The following TACC2 variants were observed in gnomAD, a reference collection of about 807,000 sequenced individuals.
The protein encoded by TACC2 is transforming acidic coiled-coil containing protein 2, also known as transforming acidic coiled-coil-containing protein 2.
TACC2 carries 137 observed loss-of-function variants against 227.3 expected under a neutral mutation model. The ratio of observed to expected loss-of-function variants is 0.60; its 90% CI spans 0.52 to 0.69. The LOEUF (loss-of-function observed/expected upper bound fraction) is 0.69, where lower values mean the gene tolerates loss of function less well. Among genes scored for constraint, TACC2 ranks in the 30% least tolerant of loss-of-function variants. TACC2 has a pLI of 0.00. For synonymous variants in TACC2, 1,523 were observed against 1,487.5 expected (o/e 1.02, Z -0.55); for missense variants, 3,470 against 3,694.4 (o/e 0.94, Z 1.57).
intron 7 of TACC2, among the ~76,000 whole-genome samples, chr10:122,188,194 A>G (rs767882679): frequency 3.9e-5 from 6 of 152,208 alleles, no homozygotes; most frequent in Non-Finnish European, 7.3e-5. Flanking sequence ...GGAGGACTGA[A>G]GTGCCCTCAT....
chr10:122,142,077 C>T (rs541516981), intron 6 of TACC2, among the ~76,000 whole-genome samples: 5 of 152,240 alleles, frequency 3.3e-5, no homozygotes, highest in Non-Finnish European at 7.3e-5. Flanking sequence ...GCCAGTCACT[C>T]CATCTGTGAA....
chr10:122,074,070 G>A (rs1382931971), intron 3 of TACC2, among the ~76,000 whole-genome samples: 2 of 142,318 alleles, frequency 1.4e-5, no homozygotes, highest in African/African-American at 5.2e-5. Context: ...GTAAGTCACA[G>A]CACCCGGCAT....
At chr10:122,082,553 C>T in intron 3 of TACC2, 94 bp from the exon 4 acceptor site, 3 of 1,412,918 alleles carry the variant, frequency 2.1e-6, no homozygotes, top group Non-Finnish European at 2.9e-6. Flanking sequence ...GCACTTGATG[C>T]CCTTTTGTGG....
At chr10:122,135,262 C>T (rs767830175) in intron 6 of TACC2, among the ~76,000 whole-genome samples, 10 of 152,162 alleles carry the variant, frequency 6.6e-5, no homozygotes, top group Non-Finnish European at 1.0e-4. Context: ...TGGGGCCCCG[C>T]CTGTATCCAT....
intron 2 of TACC2, chr10:122,033,004 AC>A: frequency 2.5e-6 from 2 of 790,416 alleles, no homozygotes; most frequent in South Asian, 1.5e-5. Context: ...AACAACAAAA[AC>A]AAAAAAACCC....
intron 8 of TACC2, among the ~76,000 whole-genome samples, chr10:122,206,542 A>G (rs897656314): frequency 6.6e-6 from 1 of 152,210 alleles, no homozygotes; most frequent in African/African-American, 2.4e-5. Context: ...CGGCCTCAGG[A>G]GAGACAAACC....
intron 7 of TACC2, among the ~76,000 whole-genome samples, chr10:122,167,355 A>G (rs1219020758): frequency 2.6e-5 from 4 of 152,258 alleles, no homozygotes; most frequent in African/African-American, 9.6e-5. Context: ...GGGGGAGGGA[A>G]GAGAAGAGAC....
chr10:122,025,579 TA>T (rs200631276), intron 2 of TACC2, among the ~76,000 whole-genome samples: 146 of 120,376 alleles, frequency 1.2e-3, no homozygotes, highest in Non-Finnish European at 8.8e-4. Context: ...TTATTTATTT[TA>T]TTTTTTTTTT....
chr10:122,092,140 C>T (rs538472520), intron 5 of TACC2, among the ~76,000 whole-genome samples: 14 of 152,322 alleles, frequency 9.2e-5, no homozygotes, highest in East Asian at 5.8e-4. Context: ...TTTGGGATCT[C>T]AGTCTGTTCT....
intron 18 of TACC2, among the ~76,000 whole-genome samples, chr10:122,239,059 G>A (rs1040965226): frequency 1.1e-4 from 16 of 151,982 alleles, no homozygotes; most frequent in African/African-American, 1.9e-4. Flanking sequence ...GCTGGAGTGC[G>A]ATGGTGCGAT....
At chr10:122,047,889 G>C (rs1274996958) in intron 2 of TACC2, among the ~76,000 whole-genome samples, 1 of 152,188 alleles carries the variant, frequency 6.6e-6, no homozygotes, top group Non-Finnish European at 1.5e-5. Context: ...GCATTGTAGT[G>C]TTCATGTTGG....
intron 20 of TACC2, 27 bp from the exon 21 acceptor site, chr10:122,249,023 C>CT: frequency 1.3e-6 from 2 of 1,595,138 alleles, no homozygotes; most frequent in South Asian, 2.2e-5. Context: ...GTGGGCTTGA[C>CT]GCCTGTCCTC....
intron 5 of TACC2, among the ~76,000 whole-genome samples, chr10:122,117,106 C>T (rs945371377): frequency 6.6e-6 from 1 of 151,808 alleles, no homozygotes; most frequent in Non-Finnish European, 1.5e-5. Context: ...AGCATGCTCA[C>T]AACATTAAAT....
chr10:122,069,737 A>G (rs1375348679), intron 3 of TACC2, among the ~76,000 whole-genome samples: 1 of 152,222 alleles, frequency 6.6e-6, no homozygotes, highest in African/African-American at 2.4e-5. Flanking sequence ...GAATGCAGCA[A>G]AACACCTGGC....
chr10:122,129,060 AATTATT>A lies in TACC2; in HGVS notation c.5574-3518_5574-3513del, dbSNP rs34221080. On this transcript the variant is annotated intron_variant, in intron 5 of 22. Coordinates refer to ENST00000369005, the MANE Select transcript of TACC2 (RefSeq NM_206862.4). The stretch of plus-strand genomic sequence containing the variant: ...GATACATGAAGATCTATCTTATTTT[AATTATT>A]ATTATTATTATTATTATTATTATTA... 1.9e-3 allele frequency among the ~76,000 whole-genome samples: 239 copies of A among 128,538 alleles called. 2 individuals are homozygous for A. Among genetic ancestry groups the A allele is most frequent in the African/African-American group, 5.4e-3 (204 of 37,598 alleles). 84.3% of individuals were successfully genotyped at this position (128,538 alleles called of 152,430 possible). A position where few individuals can be genotyped will look rare whatever the true frequency, so the allele number is the denominator to read the frequency against.
At chr10:122,176,810 T>A (rs2093741269) in intron 7 of TACC2, among the ~76,000 whole-genome samples, 1 of 152,108 alleles carries the variant, frequency 6.6e-6, no homozygotes. Flanking sequence ...ACACAGTAAT[T>A]ATGTGTATAT....
chr10:122,200,662 A>G lies in TACC2; in HGVS notation c.5971+5486A>G, dbSNP rs1412422137. ...GCCCACAGTGGCCACATTTACAGTG[A>G]GAGGATGGCCACCTCACCTGCCCAC... On this transcript the variant is annotated intron_variant, in intron 8 of 22. Transcript: ENST00000369005. Among the ~76,000 whole-genome samples, 3 of 134,526 alleles carry G rather than the reference A, an allele frequency of 2.2e-5. 1 individual carries two copies. Among genetic ancestry groups the G allele is most frequent in the African/African-American group, 9.4e-5 (3 of 32,076 alleles). The allele number at this position is 134,526 out of a possible 152,430, so 88.3% of individuals were successfully genotyped here. A position where few individuals can be genotyped will look rare whatever the true frequency, so the allele number is the denominator to read the frequency against.
intron 7 of TACC2, among the ~76,000 whole-genome samples, chr10:122,156,333 C>T (rs1288602787): frequency 1.3e-5 from 2 of 151,648 alleles, no homozygotes; most frequent in African/African-American, 2.4e-5. Flanking sequence ...ACACCATTCT[C>T]CTGTCTCTGC....
At chr10:122,248,259 G>C (rs138453792) in intron 19 of TACC2, 1 of 195,676 alleles carries the variant, frequency 5.1e-6, no homozygotes, top group African/African-American at 2.3e-5. Flanking sequence ...CCCTTTAATC[G>C]TCCCAACGCA....
Sources: gnomAD v4.1 joint callset for allele counts (sites outside exome capture counted in the v4.1 genomes callset) on GRCh38, gnomAD v4.1.1 for gene constraint, MANE v1.5 for transcripts, NCBI Gene and HGNC (gene_info 2026-07-23, HGNC 2026-07-21) for gene names.